Variants in SECISBP2L observed in about 807,000 individuals in gnomAD.
SECISBP2L encodes the protein SECIS binding protein 2 like.
In SECISBP2L, 43 loss-of-function variants were observed where a neutral mutation model predicts 114.7. That is an observed-to-expected ratio of 0.38 (90% CI 0.29 to 0.48). The LOEUF is 0.48. Ranked by LOEUF, SECISBP2L falls within the 20% of genes least tolerant of loss-of-function variation. The pLI, the probability that SECISBP2L is intolerant of heterozygous loss-of-function variation, is 0.98. For synonymous variants in SECISBP2L, 451 were observed against 439.7 expected (o/e 1.03, Z -0.32); for missense variants, 1,136 against 1,301.1 (o/e 0.87, Z 1.95).
chr15:49,039,680 G>A (rs919652353), intron 1 of SECISBP2L, among the ~76,000 whole-genome samples: 13 of 151,076 alleles, frequency 8.6e-5, no homozygotes, highest in Admixed American at 4.6e-4. Flanking sequence ...GACTACAGGT[G>A]CACATCACCA....
intron 11 of SECISBP2L, among the ~76,000 whole-genome samples, chr15:49,015,367 A>AC (rs1902515321): frequency 1.3e-5 from 2 of 152,204 alleles, no homozygotes; most frequent in African/African-American, 4.8e-5. Context: ...ATTTGTAATA[A>AC]TAGTTATTAC....
intron 4 of SECISBP2L, among the ~76,000 whole-genome samples, chr15:49,030,011 ATTTACT>A (rs1902852914): frequency 7.1e-6 from 1 of 141,774 alleles, no homozygotes; most frequent in African/African-American, 2.6e-5. Context: ...TGTATTTCTT[ATTTACT>A]TCACAAATCA....
chr15:49,000,846 T>A, intron 15 of SECISBP2L, 31 bp downstream of exon 15: 1 of 1,570,060 alleles, frequency 6.4e-7, no homozygotes, highest in Non-Finnish European at 8.7e-7. Flanking sequence ...AGCTATACTA[T>A]CAAAACACTT....
At chr15:49,043,549 A>G (rs1903183680) in intron 1 of SECISBP2L, among the ~76,000 whole-genome samples, 1 of 151,928 alleles carries the variant, frequency 6.6e-6, no homozygotes, top group African/African-American at 2.4e-5. Context: ...AAATAGAACC[A>G]GTAAGCCTTT....
chr15:49,010,390 T>C (rs894495092), intron 13 of SECISBP2L, among the ~76,000 whole-genome samples: 1 of 152,320 alleles, frequency 6.6e-6, no homozygotes, highest in Non-Finnish European at 1.5e-5. Flanking sequence ...TTCTTGACTC[T>C]ACTGTCTCCT....
At chr15:49,017,316 T>C (rs1322579708) in intron 9 of SECISBP2L, among the ~76,000 whole-genome samples, 1 of 152,234 alleles carries the variant, frequency 6.6e-6, no homozygotes, top group African/African-American at 2.4e-5. Flanking sequence ...GTATGTTGTA[T>C]GATGATATCA....
In SECISBP2L at chr15:48,988,962, G is replaced by A. The variant is rs960034857; in HGVS notation, c.*3282C>T. 5 of 167,944 alleles carry A rather than the reference G, an allele frequency of 3.0e-5. No homozygotes were observed. Among genetic ancestry groups the A allele is most frequent in the Admixed American group, 1.2e-4 (2 of 16,698 alleles). 10.4% of individuals were successfully genotyped at this position (167,944 alleles called of 1,614,324 possible). A position where few individuals can be genotyped will look rare whatever the true frequency, so the allele number is the denominator to read the frequency against. The stretch of plus-strand genomic sequence containing the variant: ...GATTTCAGATTAGGCAAACAGTTTG[G>A]TTGATTCTGTGATGTATGTAAAGGT... On this transcript the variant is annotated 3_prime_UTR_variant, in exon 18 of 18. Coordinates refer to ENST00000559471, the MANE Select transcript of SECISBP2L (RefSeq NM_001193489.2).
At chr15:49,040,124 A>G (rs1382898945) in intron 1 of SECISBP2L, among the ~76,000 whole-genome samples, 2 of 152,232 alleles carry the variant, frequency 1.3e-5, no homozygotes, top group Non-Finnish European at 1.5e-5. Context: ...TACTTCATAG[A>G]AAGTTTTATA....
chr15:49,017,911 A>C lies in SECISBP2L; in HGVS notation c.1171-283T>G, dbSNP rs569944478. On this transcript the variant is annotated intron_variant, in intron 8 of 17. Transcript: ENST00000559471. ...TACCTTCAGATGGGTGGGTAATTGA[A>C]AAGAAATTCAAACTGGGTTTTATCA... The C allele has an allele frequency of 5.1e-5, 13 of 253,602 alleles. No individual in the cohort carries two copies. The East Asian group carries it at 1.1e-3, about 21-fold the overall frequency. 15.7% of individuals were successfully genotyped at this position (253,602 alleles called of 1,614,324 possible). A position where few individuals can be genotyped will look rare whatever the true frequency, so the allele number is the denominator to read the frequency against.
At chr15:49,017,201 C>T in intron 9 of SECISBP2L, 186 bp from the exon 10 acceptor site, 2 of 611,202 alleles carry the variant, frequency 3.3e-6, no homozygotes, top group East Asian at 2.9e-5. Context: ...AGGGACAAAA[C>T]AGCTTAATGC....
rs1297128554 is a variant in SECISBP2L at position 49,016,455 on chromosome 15, C to T, written c.1561+105G>A. On this transcript the variant is annotated intron_variant, in intron 11 of 17. Transcript: ENST00000559471. Reference sequence around the variant, plus strand: ...ATACATATATATACACACACACACACATATATATACACATACATATATAAA... The same window carrying T: ...ATACATATATATACACACACACACATATATATATACACATACATATATAAA... 1.5e-4 allele frequency: 134 copies of T among 883,172 alleles called. No individual in the cohort carries two copies. The highest frequency in any genetic ancestry group is 2.0e-4 in the Non-Finnish European group (118 of 603,866). 54.7% of individuals were successfully genotyped at this position (883,172 alleles called of 1,614,324 possible).
chr15:49,008,868 T>C (rs189633555), intron 14 of SECISBP2L, among the ~76,000 whole-genome samples: 1 of 152,322 alleles, frequency 6.6e-6, no homozygotes, highest in Admixed American at 6.5e-5. Context: ...GAGTGATCTT[T>C]TGAAGGGCCA....
At chr15:49,006,536 AT>A (rs1377144930) in intron 14 of SECISBP2L, among the ~76,000 whole-genome samples, 2 of 151,858 alleles carry the variant, frequency 1.3e-5, no homozygotes, top group Non-Finnish European at 2.9e-5. Context: ...CGCTTGATCG[AT>A]TCAGCTGTTG....
chr15:49,031,341 G>A (rs1045598496), intron 4 of SECISBP2L, among the ~76,000 whole-genome samples: 1 of 152,012 alleles, frequency 6.6e-6, no homozygotes. Flanking sequence ...GAGCCACGGC[G>A]CTCAGCCTAT....
rs1481787189 is a variant in SECISBP2L at position 48,991,910 on chromosome 15, T to C, written c.*334A>G. ...TGAAGCAAACACTGATAACTGCTTC[T>C]ATCCTTAGAACCTTGTTCTTTAACT... On this transcript the variant is annotated 3_prime_UTR_variant, in exon 18 of 18. Transcript: ENST00000559471. 5.6e-6 allele frequency: 1 copy of C among 180,112 alleles called. No individual in the cohort carries two copies. The highest frequency in any genetic ancestry group is 5.5e-5 in the Admixed American group (1 of 18,112). 11.2% of individuals were successfully genotyped at this position (180,112 alleles called of 1,614,324 possible).
intron 2 of SECISBP2L, among the ~76,000 whole-genome samples, chr15:49,036,950 A>T (rs1439065055): frequency 1.3e-5 from 2 of 152,220 alleles, no homozygotes; most frequent in African/African-American, 4.8e-5. Flanking sequence ...AACTTGAAAA[A>T]GGCTGAAAGT....
At position 49,027,427 on chromosome 15, in the gene SECISBP2L, T is replaced by A; in HGVS notation, c.973A>T (p.Met325Leu). The A allele has an allele frequency of 1.2e-6, 2 of 1,610,444 alleles. No homozygotes were observed. Among genetic ancestry groups the A allele is most frequent in the Non-Finnish European group, 1.7e-6 (2 of 1,177,580 alleles). The change falls in exon 7 of 18, where the codon ATG (methionine) becomes TTG (leucine). Residue 325 changes from methionine to leucine, a missense_variant. Coordinates refer to ENST00000559471, the MANE Select transcript of SECISBP2L (RefSeq NM_001193489.2). ...TCQATQKKPW[M>L]EKNQTFSRGG... ...CTAGAAAATGTCTGATTTTTTTCCA[T>A]CCAAGGTTTTTTCTGAGTTGCCTGG...
intron 13 of SECISBP2L, among the ~76,000 whole-genome samples, chr15:49,009,961 T>C (rs1595786093): frequency 6.6e-6 from 1 of 151,472 alleles, no homozygotes; most frequent in African/African-American, 2.4e-5. Flanking sequence ...TGAAACCCCA[T>C]CTCTACTAAA....
At chr15:49,019,619 A>T (rs1350551435) in intron 7 of SECISBP2L, 67 bp from the exon 8 acceptor site, 2 of 1,259,588 alleles carry the variant, frequency 1.6e-6, no homozygotes, top group Non-Finnish European at 2.0e-6. Context: ...TCAAATATAT[A>T]ACATACTGGC....
Sources: gnomAD v4.1 joint callset for allele counts (sites outside exome capture counted in the v4.1 genomes callset) on GRCh38, gnomAD v4.1.1 for gene constraint, MANE v1.5 for transcripts, NCBI Gene and HGNC (gene_info 2026-07-23, HGNC 2026-07-21) for gene names.